The following CACNA1B variants were observed in gnomAD, a reference collection of about 807,000 sequenced individuals.
CACNA1B encodes voltage-dependent N-type calcium channel subunit alpha-1B.
CACNA1B carries 70 observed loss-of-function variants against 247.2 expected under a neutral mutation model. The observed-to-expected ratio is 0.28, with a 90% confidence interval of 0.23 to 0.35. CACNA1B has a LOEUF of 0.35. Among genes scored for constraint, CACNA1B ranks in the 10% least tolerant of loss-of-function variants. The pLI, the probability that CACNA1B is intolerant of heterozygous loss-of-function variation, is 1.00. For synonymous variants in CACNA1B, 1,231 were observed against 1,294.4 expected, an observed-to-expected ratio of 0.95 and a Z score of 1.05; for missense variants, 2,367 against 3,197.4, an observed-to-expected ratio of 0.74 and a Z score of 6.26.
chr9:138,049,333 T>TCGTAAGTAACGTTC lies in CACNA1B; in HGVS notation c.3710+18_3710+19insCGTAAGTAACGTTC. ...GCTTTCTCGTAAGTAACGTTCGCTC[T>TCGTAAGTAACGTTC]GCTCTGGCTAGGGAGAGCCCCCAGA... On this transcript the variant is annotated intron_variant, in intron 24 of 46. Transcript: ENST00000371372. 1 of 1,478,410 alleles carries TCGTAAGTAACGTTC rather than the reference T, an allele frequency of 6.8e-7. No homozygotes were observed. The highest frequency in any genetic ancestry group is 9.5e-7 in the Non-Finnish European group (1 of 1,056,184). 91.6% of individuals were successfully genotyped at this position (1,478,410 alleles called of 1,614,324 possible).
Position 137,957,566 on chromosome 9 carries a change from A to G in CACNA1B, c.1244-32A>G, listed in dbSNP as rs200481765. 2.0e-6 allele frequency: 3 copies of G among 1,519,232 alleles called. No homozygotes were observed. The South Asian group carries it at 3.7e-5, about 19-fold the overall frequency. 94.1% of individuals were successfully genotyped at this position (1,519,232 alleles called of 1,614,324 possible). ...GCAGGTGGCCTGAGGGCTGCAGCTCAGGCAGTCTCTCCCATCCTTTGTTTA... is the reference window on the plus strand; with the variant it reads ...GCAGGTGGCCTGAGGGCTGCAGCTCGGGCAGTCTCTCCCATCCTTTGTTTA... On this transcript the variant is annotated intron_variant, in intron 9 of 46. Transcript: ENST00000371372. The surrounding 1 kb of genome is among the most constrained non-coding windows in gnomAD (Gnocchi z 4.7).
chr9:138,112,673 T>C (rs1961682966), intron 40 of CACNA1B, among the ~76,000 whole-genome samples, 168 bp downstream of exon 40: 1 of 152,148 alleles, frequency 6.6e-6, no homozygotes, highest in Non-Finnish European at 1.5e-5. Context: ...GAGCCCTGGG[T>C]GGCAGAGGAG....
At chr9:137,892,656 C>T in intron 3 of CACNA1B, 1 of 339,550 alleles carries the variant, frequency 2.9e-6, no homozygotes, top group South Asian at 2.3e-5. Context: ...AGGGACGTCC[C>T]CCAGCACAGG....
chr9:137,930,027 C>T (rs1957591581), intron 6 of CACNA1B, among the ~76,000 whole-genome samples: 1 of 152,048 alleles, frequency 6.6e-6, no homozygotes, highest in South Asian at 2.1e-4. Context: ...GAACTCCTGG[C>T]CTCAAGTGAT....
rs905328023 is a variant in CACNA1B, at chr9:138,100,895, A to G, written c.5223-1816A>G. On this transcript the variant is annotated intron_variant, in intron 37 of 46. Coordinates refer to ENST00000371372, the MANE Select transcript of CACNA1B (RefSeq NM_000718.4). This position sits in a 1 kb window ranked among gnomAD's most constrained non-coding sequence, Gnocchi z 4.6. ...TCTGTGTGGAGCGGCTCCTGCACAC[A>G]TCGGGCTCCGGAAATTTCGCTGGGG... Among the ~76,000 whole-genome samples, 2 of 151,986 alleles carry G rather than the reference A, an allele frequency of 1.3e-5. No individual in the cohort carries two copies. Among genetic ancestry groups the G allele is most frequent in the Non-Finnish European group, 2.9e-5 (2 of 67,988 alleles).
chr9:138,104,199 G>T (rs774204513), intron 38 of CACNA1B, among the ~76,000 whole-genome samples: 1 of 152,238 alleles, frequency 6.6e-6, no homozygotes, highest in African/African-American at 2.4e-5. Context: ...AGGGCCCAGG[G>T]CAGAGACACC....
chr9:137,998,691 G>A (rs1958528559), intron 15 of CACNA1B, among the ~76,000 whole-genome samples: 1 of 152,214 alleles, frequency 6.6e-6, no homozygotes, highest in Non-Finnish European at 1.5e-5. Flanking sequence ...ATGATGAAAA[G>A]AGGACGCCTC....
In CACNA1B at chr9:138,054,092, G is replaced by T. The variant is rs1377612781; in HGVS notation, c.3968+86G>T. ...GTTCCCTTGGGACCAGGTGGAGCTG[G>T]TCACACGGCGTGGGAGACTCCACTG... On this transcript the variant is annotated intron_variant, in intron 26 of 46. Coordinates refer to ENST00000371372, the MANE Select transcript of CACNA1B (RefSeq NM_000718.4). This position sits in a 1 kb window ranked among gnomAD's most constrained non-coding sequence, Gnocchi z 4.6. 24 of 1,298,506 alleles carry T rather than the reference G, an allele frequency of 1.8e-5. No homozygotes were observed. Among genetic ancestry groups the T allele is most frequent in the Non-Finnish European group, 2.7e-5 (24 of 903,882 alleles). 80.4% of individuals were successfully genotyped at this position (1,298,506 alleles called of 1,614,324 possible).
intron 6 of CACNA1B, among the ~76,000 whole-genome samples, chr9:137,924,405 C>G (rs1957527832): frequency 6.6e-6 from 1 of 150,730 alleles, no homozygotes; most frequent in Non-Finnish European, 1.5e-5. Flanking sequence ...CCCTTCCTTC[C>G]TGTAGCTCCA....
At chr9:138,081,884 A>C (rs1960533404) in intron 36 of CACNA1B, among the ~76,000 whole-genome samples, 1 of 151,136 alleles carries the variant, frequency 6.6e-6, no homozygotes, top group South Asian at 2.1e-4. Context: ...AAACTTCCCA[A>C]TAAAGAGAAG....
rs1957939348 is a variant in CACNA1B, at chr9:137,955,775, G to A, written c.1148G>A (p.Arg383Gln). Residue 383 changes from arginine (R) to glutamine (Q), a missense_variant, in exon 8 of 47, where the codon CGA (arginine) becomes CAA (glutamine). Arg to Gln is a conservative substitution (Grantham distance 43). Coordinates refer to ENST00000371372, the MANE Select transcript of CACNA1B (RefSeq NM_000718.4). The surrounding 1 kb of genome is among the most constrained non-coding windows in gnomAD (Gnocchi z 6.9). The stretch of plus-strand genomic sequence containing the variant: ...CTGCGCCGGCAGCAGCAGATCGAGC[G>A]AGAGCTCAACGGGTACCTGGAGTGG... ...LKLRRQQQIE[R>Q]ELNGYLEWIF... The A allele has an allele frequency of 3.1e-6, 5 of 1,612,158 alleles. No homozygotes were observed. Among genetic ancestry groups the A allele is most frequent in the East Asian group, 4.5e-5 (2 of 44,806 alleles).
intron 18 of CACNA1B, among the ~76,000 whole-genome samples, chr9:138,015,270 C>T (rs1297618283): frequency 1.3e-5 from 2 of 152,150 alleles, no homozygotes; most frequent in African/African-American, 4.8e-5. Context: ...GTCCTCAGCC[C>T]ACTGGTTTGG....
rs1960395025 is a variant in CACNA1B at position 138,078,197 on chromosome 9, A to C, written c.5033A>C (p.Glu1678Ala). Residue 1678 changes from glutamate (E) to alanine (A), a missense_variant, in exon 36 of 47, where the codon GAG becomes GCG. By Grantham distance (107) the Glu-to-Ala change is moderately radical. This residue lies in a region of CACNA1B where 436 missense variants were observed against 679.5 expected (regional missense o/e 0.64). Coordinates refer to ENST00000371372, the MANE Select transcript of CACNA1B (RefSeq NM_000718.4). ...TGTGATGAGCAGGCCAATGCCACCG[A>C]GTGTGGAAGTGACTTTGCCTACTTC... ...QACDEQANAT[E>A]CGSDFAYFYF... 6.2e-7 allele frequency: 1 copy of C among 1,613,636 alleles called. No homozygotes were observed. Among genetic ancestry groups the C allele is most frequent in the Non-Finnish European group, 8.5e-7 (1 of 1,179,806 alleles).
rs1956940166 is a variant in CACNA1B, at chr9:137,882,620, G to A, written c.391-124G>A. On this transcript the variant is annotated intron_variant, in intron 2 of 46. Coordinates refer to ENST00000371372, the MANE Select transcript of CACNA1B (RefSeq NM_000718.4). The surrounding 1 kb of genome is among the most constrained non-coding windows in gnomAD (Gnocchi z 4.0). ...TGCAGGGTGTTGGGGGCAAGGTGAG[G>A]AGGGTCAGACCCTCACGATAGCTGT... 1.8e-6 allele frequency: 2 copies of A among 1,085,844 alleles called. No homozygotes were observed. Among genetic ancestry groups the A allele is most frequent in the African/African-American group, 3.1e-5 (2 of 64,190 alleles). 67.3% of individuals were successfully genotyped at this position (1,085,844 alleles called of 1,614,324 possible).
intron 37 of CACNA1B, among the ~76,000 whole-genome samples, chr9:138,098,407 A>T (rs1406040450): frequency 2.0e-5 from 3 of 152,222 alleles, no homozygotes; most frequent in African/African-American, 7.2e-5. Context: ...TGTGTGGTTT[A>T]GAGAGTCGCT....
At chr9:137,984,722 G>A (rs59194462) in intron 13 of CACNA1B, among the ~76,000 whole-genome samples, 41,854 of 152,146 alleles carry the variant, frequency 0.28, 8,017 homozygotes, top group East Asian at 0.64. Context: ...GCACCTGCCT[G>A]GCCCCTGTGC....
At chr9:138,028,096 C>T (rs1449168534) in intron 20 of CACNA1B, among the ~76,000 whole-genome samples, 4 of 142,494 alleles carry the variant, frequency 2.8e-5, no homozygotes, top group African/African-American at 5.3e-5. Context: ...TGCAGTGGCA[C>T]GGTCTCGGCT....
intron 31 of CACNA1B, among the ~76,000 whole-genome samples, chr9:138,063,883 A>G (rs958999251): frequency 3.3e-5 from 5 of 152,204 alleles, no homozygotes; most frequent in African/African-American, 1.2e-4. Context: ...TACTGGATGC[A>G]GTGTTATAAT....
chr9:137,892,440 T>C (rs1957115651), intron 3 of CACNA1B: 1 of 440,778 alleles, frequency 2.3e-6, no homozygotes, highest in Non-Finnish European at 4.6e-6. Flanking sequence ...TGGTGCATCA[T>C]TGCATCGTGA....
Sources: allele counts gnomAD v4.1 joint callset (sites outside exome capture counted in the v4.1 genomes callset), GRCh38; gene constraint gnomAD v4.1.1; regional missense constraint gnomAD v4.1.1; non-coding constraint Gnocchi (gnomAD v3.1); transcripts MANE v1.5; gene names NCBI Gene and HGNC (gene_info 2026-07-23, HGNC 2026-07-21).